Variants in PTPRD observed in about 807,000 individuals in gnomAD.
PTPRD encodes protein tyrosine phosphatase receptor type D, also known as receptor-type tyrosine-protein phosphatase delta.
PTPRD carries 34 observed loss-of-function variants against 214.5 expected under a neutral mutation model. That is an observed-to-expected ratio of 0.16 (90% confidence interval 0.12 to 0.21). The LOEUF is 0.21. PTPRD is among the 10% of genes least tolerant of loss of function. The pLI is 1.00. For missense variants in PTPRD, 2,545 were observed against 2,398.7 expected (o/e 1.06, Z -1.27); for synonymous variants, 1,128 against 845.7 (o/e 1.33, Z -5.79).
At chr9:9,029,477 T>G (rs185043716) in intron 10 of PTPRD, among the ~76,000 whole-genome samples, 241 of 140,220 alleles carry the variant, frequency 1.7e-3, no homozygotes, top group Admixed American at 2.3e-3. Flanking sequence ...ACACTTTTTT[T>G]TGTGCCTAGC....
intron 25 of PTPRD, among the ~76,000 whole-genome samples, chr9:8,498,680 A>G (rs1055037774): frequency 6.6e-6 from 1 of 152,134 alleles, no homozygotes; most frequent in Non-Finnish European, 1.5e-5. Context: ...CAAGTCACCA[A>G]TTTCTTGGAT....
chr9:10,505,495 C>T (rs2045607548), intron 2 of PTPRD, among the ~76,000 whole-genome samples: 1 of 152,118 alleles, frequency 6.6e-6, no homozygotes. Flanking sequence ...GAAGCTCTCA[C>T]CTGTCAACAG....
At chr9:10,259,923 G>T (rs1341126964) in intron 3 of PTPRD, among the ~76,000 whole-genome samples, 3 of 152,098 alleles carry the variant, frequency 2.0e-5, no homozygotes, top group Non-Finnish European at 4.4e-5. Context: ...GAGTGGATAT[G>T]CACAAGCATC....
intron 5 of PTPRD, among the ~76,000 whole-genome samples, chr9:9,841,983 G>A (rs1299891270): frequency 1.3e-5 from 2 of 151,954 alleles, no homozygotes; most frequent in Non-Finnish European, 2.9e-5. Flanking sequence ...GGACAAGGAA[G>A]TAGGATAAAT....
intron 2 of PTPRD, among the ~76,000 whole-genome samples, chr9:10,369,886 CAT>C (rs2097578989): frequency 6.6e-6 from 1 of 151,956 alleles, no homozygotes; most frequent in Non-Finnish European, 1.5e-5. Context: ...TAAATAGAAA[CAT>C]AGTGTCAAAA....
chr9:9,100,128 C>T (rs2099789271), intron 10 of PTPRD, among the ~76,000 whole-genome samples: 1 of 152,028 alleles, frequency 6.6e-6, no homozygotes, highest in Non-Finnish European at 1.5e-5. Flanking sequence ...AACTGGCAAG[C>T]AGGCTCTACA....
At chr9:9,749,091 T>A in intron 6 of PTPRD, among the ~76,000 whole-genome samples, 1 of 152,114 alleles carries the variant, frequency 6.6e-6, no homozygotes, top group East Asian at 1.9e-4. Flanking sequence ...CACCTGATCT[T>A]CTCTTTACTC....
intron 5 of PTPRD, among the ~76,000 whole-genome samples, chr9:9,831,280 C>T (rs935773760): frequency 2.6e-5 from 4 of 151,954 alleles, no homozygotes; most frequent in African/African-American, 9.7e-5. Flanking sequence ...CATTTTTTGA[C>T]ATTGCTTAAA....
At chr9:10,260,502 TC>T (rs921850294) in intron 3 of PTPRD, among the ~76,000 whole-genome samples, 6 of 152,182 alleles carry the variant, frequency 3.9e-5, no homozygotes, top group African/African-American at 1.4e-4. Flanking sequence ...GATGTATTTC[TC>T]CCTCAAACCT....
chr9:8,772,031 T>C (rs1190177813), intron 11 of PTPRD, among the ~76,000 whole-genome samples: 1 of 152,096 alleles, frequency 6.6e-6, no homozygotes, highest in African/African-American at 2.4e-5. Context: ...GTGATTATTA[T>C]GCATTATATG....
chr9:8,680,242 C>T (rs573377366), intron 12 of PTPRD, among the ~76,000 whole-genome samples: 12 of 152,246 alleles, frequency 7.9e-5, no homozygotes, highest in African/African-American at 2.6e-4. Context: ...AGCGCTAACA[C>T]TGGAAAACCA....
chr9:9,583,070 G>T (rs903170038), intron 7 of PTPRD, among the ~76,000 whole-genome samples: 1 of 151,966 alleles, frequency 6.6e-6, no homozygotes, highest in Admixed American at 6.6e-5. Context: ...TTAGCCTGTT[G>T]GTTGTAGTGC....
intron 7 of PTPRD, among the ~76,000 whole-genome samples, chr9:9,667,631 T>G (rs2096748914): frequency 2.0e-5 from 3 of 152,162 alleles, no homozygotes; most frequent in Admixed American, 2.0e-4. Flanking sequence ...GTGCTGACAG[T>G]GATGGCCAAC....
chr9:8,801,582 G>GGCACAT (rs2096571997), intron 11 of PTPRD, among the ~76,000 whole-genome samples: 1 of 152,088 alleles, frequency 6.6e-6, no homozygotes, highest in South Asian at 2.1e-4. Context: ...CAGGCATGGT[G>GGCACAT]GCACATGCCT....
intron 2 of PTPRD, among the ~76,000 whole-genome samples, chr9:10,528,497 C>T (rs1410664617): frequency 6.6e-6 from 1 of 152,120 alleles, no homozygotes; most frequent in Non-Finnish European, 1.5e-5. Context: ...TTTACCACCA[C>T]AAGAATGTCA....
intron 9 of PTPRD, among the ~76,000 whole-genome samples, chr9:9,189,585 T>C (rs2099933851): frequency 6.6e-6 from 1 of 152,028 alleles, no homozygotes; most frequent in South Asian, 2.1e-4. Flanking sequence ...TTATAATGAT[T>C]TCTATTTTAT....
chr9:9,372,176 T>C (rs2059694811), intron 9 of PTPRD, among the ~76,000 whole-genome samples: 1 of 152,072 alleles, frequency 6.6e-6, no homozygotes, highest in Non-Finnish European at 1.5e-5. Context: ...CTTGTTAACT[T>C]TCTGTCTCGT....
chr9:8,790,147 G>C (rs558104608), intron 11 of PTPRD, among the ~76,000 whole-genome samples: 1 of 151,936 alleles, frequency 6.6e-6, no homozygotes, highest in African/African-American at 2.4e-5. Context: ...CTCCTGAATA[G>C]CTGGGACTAC....
chr9:10,206,028 T>C (rs1236657007), intron 3 of PTPRD, among the ~76,000 whole-genome samples: 1 of 149,808 alleles, frequency 6.7e-6, no homozygotes, highest in African/African-American at 2.5e-5. Context: ...ATAATAGCTT[T>C]ATGTAAAAAA....
Sources: gnomAD v4.1 joint callset for allele counts (sites outside exome capture counted in the v4.1 genomes callset) on GRCh38, gnomAD v4.1.1 for gene constraint, MANE v1.5 for transcripts, NCBI Gene and HGNC (gene_info 2026-07-23, HGNC 2026-07-21) for gene names.